Variants in STX6 observed in about 807,000 individuals in gnomAD.
The protein encoded by STX6 is syntaxin 6.
Under a neutral mutation model 38.0 loss-of-function variants are expected in STX6, and 23 were observed. The ratio of observed to expected loss-of-function variants is 0.60; its 90% CI spans 0.43 to 0.86. The LOEUF (loss-of-function observed/expected upper bound fraction) is 0.86. Among genes scored for constraint, STX6 ranks in the 40% least tolerant of loss-of-function variants. STX6 has a pLI of 0.00. For missense variants in STX6, 274 were observed against 312.9 expected (o/e 0.88, Z 0.94); for synonymous variants, 123 against 107.5 (o/e 1.14, Z -0.89).
At chr1:181,002,180 C>T (rs552610976) in intron 3 of STX6, among the ~76,000 whole-genome samples, 9 of 151,630 alleles carry the variant, frequency 5.9e-5, no homozygotes, top group Admixed American at 2.6e-4. Context: ...TCTTCAATCA[C>T]GGAAATTTTT....
At position 180,976,364 on chromosome 1, in the gene STX6, G is replaced by T; in HGVS notation, c.*206C>A. 2 of 556,786 alleles carry T rather than the reference G, an allele frequency of 3.6e-6. No individual in the cohort carries two copies. The highest frequency in any genetic ancestry group is 2.0e-5 in the South Asian group (1 of 49,446). The allele number at this position is 556,786 out of a possible 1,614,324, so 34.5% of individuals were successfully genotyped here. A position where few individuals can be genotyped will look rare whatever the true frequency, so the allele number is the denominator to read the frequency against. On this transcript the variant is annotated 3_prime_UTR_variant, in exon 8 of 8. Coordinates refer to ENST00000258301, the MANE Select transcript of STX6 (RefSeq NM_005819.6). ...CTGTTGTCCAGCTGCAGCCAGGAGT[G>T]CAGACATCTATTTCCTCTTCCCACT... is the stretch of plus-strand genomic sequence containing the variant.
intron 4 of STX6, among the ~76,000 whole-genome samples, chr1:180,992,764 T>C (rs1234343011): frequency 6.6e-6 from 1 of 152,246 alleles, no homozygotes; most frequent in East Asian, 1.9e-4. Context: ...TCTATCAATA[T>C]GCCAAAGTAT....
chr1:181,004,052 T>A (rs1656157060), intron 2 of STX6, among the ~76,000 whole-genome samples: 2 of 152,202 alleles, frequency 1.3e-5, no homozygotes, highest in African/African-American at 2.4e-5. Context: ...CTGCTAACAC[T>A]ATTACATAAG....
chr1:180,984,088 A>AAAAC (rs57204299), intron 7 of STX6, among the ~76,000 whole-genome samples: 10,255 of 101,354 alleles, frequency 0.1, 2,357 homozygotes, highest in Non-Finnish European at 0.17. Flanking sequence ...AAAAAAAAAA[A>AAAAC]AACACAACGA....
chr1:180,985,063 G>C (rs1419768371), intron 6 of STX6, among the ~76,000 whole-genome samples: 1 of 152,130 alleles, frequency 6.6e-6, no homozygotes, highest in Non-Finnish European at 1.5e-5. Flanking sequence ...TAATATTTCT[G>C]CAGAGAAAAC....
intron 1 of STX6, among the ~76,000 whole-genome samples, chr1:181,007,879 C>CA (rs892987405): frequency 6.6e-5 from 10 of 151,772 alleles, no homozygotes; most frequent in South Asian, 2.1e-4. Context: ...AATTCTAAAA[C>CA]AAAAAAAATG....
At chr1:180,992,966 T>C (rs1213043821) in intron 4 of STX6, among the ~76,000 whole-genome samples, 2 of 152,106 alleles carry the variant, frequency 1.3e-5, no homozygotes, top group Non-Finnish European at 2.9e-5. Context: ...GACACACATC[T>C]CTCCTCACTG....
rs1278466430 is a variant in STX6, at chr1:180,975,606, C to T, written c.*964G>A. ...ATAAATGTAATAAATGTACTAACCA[C>T]TCCCAACCCCAACCCCCAGTGTAGA... is the stretch of plus-strand genomic sequence containing the variant. On this transcript the variant is annotated 3_prime_UTR_variant, in exon 8 of 8. Transcript: ENST00000258301. 6.6e-6 allele frequency: 1 copy of T among 152,370 alleles called. No individual in the cohort carries two copies. Among genetic ancestry groups the T allele is most frequent in the Non-Finnish European group, 1.5e-5 (1 of 68,062 alleles). The allele number at this position is 152,370 out of a possible 1,614,324, so 9.4% of individuals were successfully genotyped here. A position where few individuals can be genotyped will look rare whatever the true frequency, so the allele number is the denominator to read the frequency against.
Position 180,974,608 on chromosome 1 carries a change from G to A in STX6, c.*1962C>T, listed in dbSNP as rs1655200260. 1 of 152,556 alleles carries A rather than the reference G, an allele frequency of 6.6e-6. No individual in the cohort carries two copies. Among genetic ancestry groups the A allele is most frequent in the Non-Finnish European group, 1.5e-5 (1 of 68,016 alleles). 9.5% of individuals were successfully genotyped at this position (152,556 alleles called of 1,614,324 possible). A position where few individuals can be genotyped will look rare whatever the true frequency, so the allele number is the denominator to read the frequency against. On this transcript the variant is annotated 3_prime_UTR_variant, in exon 8 of 8. Transcript: ENST00000258301. The stretch of plus-strand genomic sequence containing the variant: ...TAATTTTATAATTCCTTAAGATGCT[G>A]GTTTGCTTCTTATAATGTGTTGTGT...
rs770373800 is a variant in STX6, at chr1:180,976,658, G to A, written c.692-12C>T. 1.2e-6 allele frequency: 2 copies of A among 1,612,476 alleles called. No homozygotes were observed. The highest frequency in any genetic ancestry group is 2.7e-5 in the African/African-American group (2 of 74,890). ...CCATTGGCGCCGATCTGGAAGGCAGGACATGGGGATTAGCTCTCACAGGGA... is the reference window on the plus strand; with the variant it reads ...CCATTGGCGCCGATCTGGAAGGCAGAACATGGGGATTAGCTCTCACAGGGA... On this transcript the variant is annotated splice_polypyrimidine_tract_variant and intron_variant, in intron 7 of 7. Transcript: ENST00000258301.
intron 1 of STX6, among the ~76,000 whole-genome samples, chr1:181,011,981 T>C (rs180913854): frequency 2.0e-5 from 3 of 152,362 alleles, no homozygotes; most frequent in Admixed American, 2.0e-4. Context: ...CTTTATCCCT[T>C]ATCTTTATGT....
Position 181,013,847 on chromosome 1 carries a change from C to A in STX6, c.36-8384G>T, listed in dbSNP as rs34000494. Among the ~76,000 whole-genome samples, 773 of 152,342 alleles carry A rather than the reference C, an allele frequency of 5.1e-3. 26 individuals carry two copies. Among genetic ancestry groups the A allele is most frequent in the Admixed American group, 0.038 (589 of 15,302 alleles). On this transcript the variant is annotated intron_variant, in intron 1 of 7. Transcript: ENST00000258301. ...TCTCTCTATCTCTCCACAGTCTGCA[C>A]ACATGCTCTAACAGAGTGGCTTCAA...
chr1:180,994,967 AAT>A (rs1491454201), intron 3 of STX6, among the ~76,000 whole-genome samples: 3 of 135,384 alleles, frequency 2.2e-5, no homozygotes, highest in African/African-American at 9.2e-5. Context: ...TTTAAAAAAA[AAT>A]TTTTTTTTTT....
intron 1 of STX6, among the ~76,000 whole-genome samples, chr1:181,019,699 T>C (rs551810014): frequency 4.6e-5 from 7 of 152,312 alleles, no homozygotes; most frequent in Admixed American, 1.3e-4. Flanking sequence ...AGGGTACACC[T>C]GTCTAGGACT....
chr1:181,018,368 G>A (rs1342897749), intron 1 of STX6, among the ~76,000 whole-genome samples: 2 of 104,372 alleles, frequency 1.9e-5, no homozygotes, highest in African/African-American at 7.7e-5. Flanking sequence ...CAGCCTGGGC[G>A]ACAGAGTAAG....
At chr1:180,988,173 AG>A in intron 6 of STX6, 65 bp downstream of exon 6, 1 of 1,132,180 alleles carries the variant, frequency 8.8e-7, no homozygotes, top group Non-Finnish European at 1.3e-6. Context: ...CAGGCTTTTT[AG>A]GGGTGTCATA....
intron 1 of STX6, 150 bp downstream of exon 1, chr1:181,022,489 G>T: frequency 4.0e-6 from 3 of 747,626 alleles, no homozygotes; most frequent in South Asian, 1.7e-5. Flanking sequence ...CTTGACGCTT[G>T]GTCATGGCCC....
Position 180,974,189 on chromosome 1 carries a change from G to A in STX6, c.*2381C>T, listed in dbSNP as rs1273940589. The A allele has an allele frequency of 6.6e-6, 1 of 152,198 alleles. No homozygotes were observed. The highest frequency in any genetic ancestry group is 2.4e-5 in the African/African-American group (1 of 41,436). The allele number at this position is 152,198 out of a possible 1,614,324, so 9.4% of individuals were successfully genotyped here. On this transcript the variant is annotated 3_prime_UTR_variant, in exon 8 of 8. Transcript: ENST00000258301. ...GTGGAGGCCCTTCAAATTAACACTG[G>A]TTCTGTAGGGACTGCCCAGTCAGGG...
intron 3 of STX6, among the ~76,000 whole-genome samples, chr1:180,996,434 AAAG>A (rs1212691538): frequency 2.0e-5 from 3 of 152,224 alleles, no homozygotes; most frequent in Non-Finnish European, 2.9e-5. Context: ...ACTGGTAATC[AAAG>A]AAGTGTAGCT....
Sources: gnomAD v4.1 joint callset for allele counts (sites outside exome capture counted in the v4.1 genomes callset) on GRCh38, gnomAD v4.1.1 for gene constraint, MANE v1.5 for transcripts, NCBI Gene and HGNC (gene_info 2026-07-23, HGNC 2026-07-21) for gene names.